The following KATNIP variants were observed in gnomAD, a reference collection of about 807,000 sequenced individuals.
KATNIP encodes katanin-interacting protein.
KATNIP carries 126 observed loss-of-function variants against 174.0 expected under a neutral mutation model. That is an observed-to-expected ratio of 0.72 (90% confidence interval 0.63 to 0.84). The LOEUF (loss-of-function observed/expected upper bound fraction) is 0.84, where lower values mean the gene tolerates loss of function less well. Among genes scored for constraint, KATNIP ranks in the 40% least tolerant of loss-of-function variants. The pLI, the probability that KATNIP is intolerant of heterozygous loss-of-function variation, is 0.00. For missense variants in KATNIP, 1,958 were observed against 2,109.7 expected, an observed-to-expected ratio of 0.93 and a Z score of 1.41; for synonymous variants, 810 against 835.7, an observed-to-expected ratio of 0.97 and a Z score of 0.53.
intron 5 of KATNIP, among the ~76,000 whole-genome samples, chr16:27,632,174 G>C (rs560086464): frequency 1.3e-5 from 2 of 152,338 alleles, no homozygotes; most frequent in African/African-American, 4.8e-5. Flanking sequence ...CCGGGGACCA[G>C]CAGGTCCCAG....
intron 5 of KATNIP, among the ~76,000 whole-genome samples, chr16:27,643,818 C>A (rs984329179): frequency 2.0e-5 from 3 of 151,796 alleles, no homozygotes; most frequent in African/African-American, 7.3e-5. Context: ...GTTTACTAAA[C>A]CTGCAGGGAA....
At chr16:27,690,064 A>T (rs2078660641) in intron 8 of KATNIP, among the ~76,000 whole-genome samples, 1 of 152,120 alleles carries the variant, frequency 6.6e-6, no homozygotes, top group African/African-American at 2.4e-5. Context: ...GCACTTTGGG[A>T]GTCCGAGGCG....
chr16:27,715,046 G>A (rs2079865027), intron 13 of KATNIP, among the ~76,000 whole-genome samples: 2 of 152,128 alleles, frequency 1.3e-5, no homozygotes, highest in South Asian at 2.1e-4. Flanking sequence ...CAAAACATAC[G>A]CCAACTCTGC....
At chr16:27,584,056 C>A (rs533650653) in intron 2 of KATNIP, among the ~76,000 whole-genome samples, 4 of 152,262 alleles carry the variant, frequency 2.6e-5, no homozygotes, top group Admixed American at 2.0e-4. Flanking sequence ...CAGTTTCTTT[C>A]TATATAGAAT....
chr16:27,712,612 G>GC (rs1567334174), intron 13 of KATNIP, among the ~76,000 whole-genome samples: 5 of 152,066 alleles, frequency 3.3e-5, no homozygotes. Flanking sequence ...ATGTGGGAGT[G>GC]CCCCAGCCTC....
At chr16:27,755,113 C>T (rs1199249800) in intron 18 of KATNIP, 1 of 151,622 alleles carries the variant, frequency 6.6e-6, no homozygotes, top group Non-Finnish European at 1.5e-5. Flanking sequence ...CTCTCCTGCC[C>T]CCTGTGAATG....
intron 2 of KATNIP, among the ~76,000 whole-genome samples, chr16:27,599,707 C>A (rs963283134): frequency 1.3e-5 from 2 of 152,196 alleles, no homozygotes; most frequent in Admixed American, 1.3e-4. Context: ...TTCTCCACCA[C>A]CCAACCCCTT....
intron 21 of KATNIP, 50 bp downstream of exon 21, chr16:27,770,068 G>T: frequency 6.3e-7 from 1 of 1,588,488 alleles, no homozygotes. Context: ...CCCTGGGCCC[G>T]CTTGCTTTGC....
intron 15 of KATNIP, among the ~76,000 whole-genome samples, chr16:27,744,043 T>G (rs557929745): frequency 3.3e-5 from 5 of 152,168 alleles, no homozygotes; most frequent in Non-Finnish European, 7.4e-5. Flanking sequence ...CCCCTGAGAT[T>G]TCATGCTTGT....
intron 2 of KATNIP, among the ~76,000 whole-genome samples, chr16:27,588,495 G>A (rs2090987758): frequency 6.6e-6 from 1 of 151,632 alleles, no homozygotes; most frequent in Non-Finnish European, 1.5e-5. Context: ...TTTTGTTTTG[G>A]AGAAAGGCCT....
intron 22 of KATNIP, among the ~76,000 whole-genome samples, chr16:27,772,745 C>T (rs1282639903): frequency 1.3e-5 from 2 of 152,178 alleles, no homozygotes; most frequent in Non-Finnish European, 1.5e-5. Flanking sequence ...GATGTTTCCC[C>T]ATCCTGCCTG....
At chr16:27,647,338 GC>G (rs148543466) in intron 5 of KATNIP, among the ~76,000 whole-genome samples, 3,350 of 151,488 alleles carry the variant, frequency 0.022, 138 homozygotes, top group African/African-American at 0.077. Context: ...TAATCACAAA[GC>G]CCCCCCCTTT....
At chr16:27,572,687 G>A (rs1226558056) in intron 1 of KATNIP, among the ~76,000 whole-genome samples, 2 of 152,178 alleles carry the variant, frequency 1.3e-5, no homozygotes, top group Admixed American at 6.5e-5. Context: ...GCTGCCCAGA[G>A]GCCCCACTGG....
chr16:27,771,610 T>C lies in KATNIP; in HGVS notation c.4156T>C (p.Cys1386Arg). The C allele has an allele frequency of 1.2e-6, 2 of 1,612,820 alleles. No individual in the cohort carries two copies. Among genetic ancestry groups the C allele is most frequent in the Non-Finnish European group, 1.7e-6 (2 of 1,179,414 alleles). Residue 1386 changes from cysteine to arginine, a missense_variant, in exon 22 of 28, where the codon TGT becomes CGT. Transcript: ENST00000261588. ...CAGGCTGGACATGAGAAGCCTGGAG[T>C]GTGCAAGCATGGACTACGAGGCACC... The part of the protein sequence containing the change: ...ARRLDMRSLE[C>R]ASMDYEAPLM...
chr16:27,769,648 G>T (rs1269816698), intron 20 of KATNIP, among the ~76,000 whole-genome samples: 1 of 152,232 alleles, frequency 6.6e-6, no homozygotes, highest in Non-Finnish European at 1.5e-5. Flanking sequence ...GTGGACCAGT[G>T]TCCGCTGTAG....
At chr16:27,690,142 A>G (rs1193608951) in intron 8 of KATNIP, among the ~76,000 whole-genome samples, 1 of 145,042 alleles carries the variant, frequency 6.9e-6, no homozygotes, top group Non-Finnish European at 1.5e-5. Context: ...ATCTCTACAA[A>G]TAATAATAAT....
intron 2 of KATNIP, among the ~76,000 whole-genome samples, chr16:27,587,396 A>G (rs2090943715): frequency 6.6e-6 from 1 of 152,234 alleles, no homozygotes; most frequent in Non-Finnish European, 1.5e-5. Context: ...TGGGCCCTGC[A>G]TTCGACATTT....
chr16:27,651,110 G>A (rs941648593), intron 6 of KATNIP, among the ~76,000 whole-genome samples: 1 of 152,140 alleles, frequency 6.6e-6, no homozygotes, highest in Admixed American at 6.6e-5. Context: ...GGCACCTCTC[G>A]TTAAATTAAC....
chr16:27,644,055 T>C (rs2076886219), intron 5 of KATNIP, among the ~76,000 whole-genome samples: 1 of 145,862 alleles, frequency 6.9e-6, no homozygotes, highest in South Asian at 2.2e-4. Context: ...AGGGTCTTAC[T>C]CTGTTGCCCA....
Sources: gnomAD v4.1 joint callset for allele counts (sites outside exome capture counted in the v4.1 genomes callset) on GRCh38, gnomAD v4.1.1 for gene constraint, MANE v1.5 for transcripts, NCBI Gene and HGNC (gene_info 2026-07-23, HGNC 2026-07-21) for gene names.